Variants in CADM2 observed in about 807,000 individuals in gnomAD.
CADM2 encodes immunoglobulin superfamily member 4D.
Under a neutral mutation model 49.8 loss-of-function variants are expected in CADM2, and 12 were observed. The observed-to-expected ratio is 0.24, with a 90% CI of 0.15 to 0.39. The LOEUF is 0.39. Ranked by LOEUF, CADM2 falls within the 10% of genes least tolerant of loss-of-function variation. CADM2 has a pLI of 1.00. For synonymous variants in CADM2, 214 were observed against 175.4 expected (o/e 1.22, Z -1.74); for missense variants, 378 against 492.3 (o/e 0.77, Z 2.20).
chr3:85,373,976 A>G (rs936793646), intron 1 of CADM2, among the ~76,000 whole-genome samples: 5 of 152,138 alleles, frequency 3.3e-5, no homozygotes, highest in African/African-American at 7.2e-5. Context: ...GACCTCTGTC[A>G]TGCCCTGTAG....
At chr3:84,999,175 A>G (rs73843255) in intron 1 of CADM2, among the ~76,000 whole-genome samples, 3,957 of 152,214 alleles carry the variant, frequency 0.026, 166 homozygotes, top group African/African-American at 0.09. Flanking sequence ...TTATGTAGGG[A>G]ATATAGTCAT....
chr3:85,568,554 T>TATTTTCCTTCCTTCC (rs2062382664), intron 1 of CADM2, among the ~76,000 whole-genome samples: 1 of 144,616 alleles, frequency 6.9e-6, no homozygotes, highest in Admixed American at 7.0e-5. Flanking sequence ...TTTCTTTCTC[T>TATTTTCCTTCCTTCC]TTCTTTCTTT....
intron 1 of CADM2, among the ~76,000 whole-genome samples, chr3:85,133,520 T>C (rs537067330): frequency 6.6e-6 from 1 of 152,166 alleles, no homozygotes; most frequent in South Asian, 2.1e-4. Flanking sequence ...GGGTGCTGAC[T>C]GGTGTGTTTA....
At chr3:85,585,952 CA>C (rs1480019272) in intron 1 of CADM2, among the ~76,000 whole-genome samples, 3 of 151,054 alleles carry the variant, frequency 2.0e-5, no homozygotes, top group East Asian at 1.9e-4. Flanking sequence ...TAAATGTTAT[CA>C]TTTTTTTAAT....
At chr3:85,159,343 A>G (rs1207638365) in intron 1 of CADM2, among the ~76,000 whole-genome samples, 2 of 136,456 alleles carry the variant, frequency 1.5e-5, no homozygotes, top group East Asian at 3.9e-4. Context: ...CCTCAAATCC[A>G]TCTTCCCCAG....
At chr3:85,160,717 A>G (rs1211439518) in intron 1 of CADM2, among the ~76,000 whole-genome samples, 1 of 152,220 alleles carries the variant, frequency 6.6e-6, no homozygotes, top group African/African-American at 2.4e-5. Flanking sequence ...AATCTTATAA[A>G]TTAACTCTCA....
At chr3:85,275,968 TTTTTTTGG>T (rs2043347650) in intron 1 of CADM2, among the ~76,000 whole-genome samples, 1 of 151,152 alleles carries the variant, frequency 6.6e-6, no homozygotes, top group Non-Finnish European at 1.5e-5. Flanking sequence ...AGAATTTAAA[TTTTTTTGG>T]TCAAGCAGTG....
chr3:85,862,186 T>C (rs544284346), intron 3 of CADM2, among the ~76,000 whole-genome samples: 2 of 152,180 alleles, frequency 1.3e-5, no homozygotes, highest in Non-Finnish European at 2.9e-5. Context: ...TGAATTCACT[T>C]TCACCATTTT....
intron 8 of CADM2, among the ~76,000 whole-genome samples, chr3:85,971,497 TC>T (rs1338338755): frequency 6.6e-6 from 1 of 151,726 alleles, no homozygotes; most frequent in Non-Finnish European, 1.5e-5. Context: ...TCAGTATTTT[TC>T]TACTATATCA....
At chr3:85,624,424 C>T (rs1229848249) in intron 1 of CADM2, among the ~76,000 whole-genome samples, 1 of 152,026 alleles carries the variant, frequency 6.6e-6, no homozygotes, top group Non-Finnish European at 1.5e-5. Context: ...CCTCCACCTC[C>T]CAGGTTCAAG....
At chr3:85,271,198 A>G (rs1301831515) in intron 1 of CADM2, among the ~76,000 whole-genome samples, 1 of 151,382 alleles carries the variant, frequency 6.6e-6, no homozygotes, top group Non-Finnish European at 1.5e-5. Flanking sequence ...TTCAATCTCT[A>G]ATTTGAATCA....
intron 2 of CADM2, among the ~76,000 whole-genome samples, chr3:85,738,483 A>AT (rs957305750): frequency 3.3e-5 from 5 of 152,168 alleles, no homozygotes; most frequent in Non-Finnish European, 5.9e-5. Flanking sequence ...ATGCTTTGGG[A>AT]TTTTTCACAC....
chr3:85,626,916 C>T (rs576177509), intron 1 of CADM2, among the ~76,000 whole-genome samples: 3 of 151,870 alleles, frequency 2.0e-5, no homozygotes, highest in African/African-American at 4.8e-5. Flanking sequence ...AATACTTAAC[C>T]GTCATACTTA....
chr3:85,834,521 C>A (rs1212116441), intron 3 of CADM2, among the ~76,000 whole-genome samples: 1 of 151,494 alleles, frequency 6.6e-6, no homozygotes, highest in Admixed American at 6.6e-5. Flanking sequence ...TGTGTTGTTA[C>A]AATATATCAA....
intron 8 of CADM2, among the ~76,000 whole-genome samples, chr3:85,996,183 G>A (rs1729390676): frequency 6.6e-6 from 1 of 150,662 alleles, no homozygotes; most frequent in African/African-American, 2.4e-5. Flanking sequence ...ATCAAAATTT[G>A]AAGATTTATA....
chr3:85,367,099 G>A (rs551207591), intron 1 of CADM2, among the ~76,000 whole-genome samples: 14 of 151,464 alleles, frequency 9.2e-5, no homozygotes, highest in East Asian at 1.9e-4. Flanking sequence ...ATTAATTATC[G>A]GTTTTGATAT....
At chr3:85,723,699 C>T (rs1210601655) in intron 1 of CADM2, among the ~76,000 whole-genome samples, 2 of 152,070 alleles carry the variant, frequency 1.3e-5, no homozygotes, top group Non-Finnish European at 2.9e-5. Flanking sequence ...TTGTCAGTAA[C>T]TTATCTCCAA....
intron 3 of CADM2, among the ~76,000 whole-genome samples, chr3:85,832,765 C>T (rs1205118893): frequency 3.3e-5 from 5 of 151,890 alleles, no homozygotes; most frequent in African/African-American, 1.2e-4. Context: ...GATAATTTGA[C>T]TTCTTATTTT....
intron 1 of CADM2, among the ~76,000 whole-genome samples, chr3:85,207,210 A>C (rs1016167241): frequency 6.6e-6 from 1 of 151,738 alleles, no homozygotes; most frequent in African/African-American, 2.4e-5. Flanking sequence ...ATAAGTGTTG[A>C]CTCTTATTTT....
Sources: gnomAD v4.1 joint callset for allele counts (sites outside exome capture counted in the v4.1 genomes callset) on GRCh38, gnomAD v4.1.1 for gene constraint, MANE v1.5 for transcripts, NCBI Gene and HGNC (gene_info 2026-07-23, HGNC 2026-07-21) for gene names.